The following NDUFS7 variants were observed in gnomAD, a reference collection of about 807,000 sequenced individuals.
NDUFS7 encodes NADH dehydrogenase [ubiquinone] iron-sulfur protein 7, mitochondrial.
In NDUFS7, 11 loss-of-function variants were observed where a neutral mutation model predicts 31.1. The ratio of observed to expected loss-of-function variants is 0.35; its 90% CI spans 0.22 to 0.59. NDUFS7 has a LOEUF of 0.59. Among genes scored for constraint, NDUFS7 ranks in the 20% least tolerant of loss-of-function variants. The probability of loss-of-function intolerance (pLI) is 0.79; values close to 1 mark genes in which losing one functional copy is unlikely to be tolerated. For missense variants in NDUFS7, 263 were observed against 324.2 expected (o/e 0.81, Z 1.45); for synonymous variants, 136 against 127.9 (o/e 1.06, Z -0.43).
At chr19:1,390,767 G>A (rs2082549392) in intron 4 of NDUFS7, 104 bp from the exon 5 acceptor site, 8 of 1,376,532 alleles carry the variant, frequency 5.8e-6, no homozygotes, top group East Asian at 2.5e-5. Context: ...GCCGGCTGCC[G>A]CCCCGGGACA....
intron 3 of NDUFS7, 112 bp from the exon 4 acceptor site, chr19:1,388,721 C>A: frequency 7.0e-7 from 1 of 1,423,708 alleles, no homozygotes; most frequent in Non-Finnish European, 9.7e-7. Context: ...ACATCCCAGT[C>A]CCTGACCTCA....
intron 3 of NDUFS7, 98 bp downstream of exon 3, chr19:1,388,691 TG>T (rs778480411): frequency 4.8e-6 from 7 of 1,455,358 alleles, no homozygotes; most frequent in Non-Finnish European, 5.7e-6. Flanking sequence ...GGTGCATGGA[TG>T]GGGCAGGGAG....
At position 1,395,497 on chromosome 19, in the gene NDUFS7, C is replaced by CCGCCGCCGCCGGAGCCTGT. The variant is rs1370327131; in HGVS notation, c.*15_*33dup. On this transcript the variant is annotated 3_prime_UTR_variant, in exon 8 of 8. Coordinates refer to ENST00000233627, the MANE Select transcript of NDUFS7 (RefSeq NM_024407.5). ...TCTGGTACCGCAGGTAGCGCCGCCG[C>CCGCCGCCGCCGGAGCCTGT]CGCCGCCGCCGGAGCCTGTCGCCGT... 1 of 1,564,756 alleles carries CCGCCGCCGCCGGAGCCTGT rather than the reference C, an allele frequency of 6.4e-7. No individual in the cohort carries two copies. The highest frequency in any genetic ancestry group is 8.6e-7 in the Non-Finnish European group (1 of 1,156,084).
At chr19:1,392,854 T>G (rs1321202242) in intron 6 of NDUFS7, 1 of 318,368 alleles carries the variant, frequency 3.1e-6, no homozygotes, top group Non-Finnish European at 6.1e-6. Context: ...CCCCAGCGCC[T>G]CACTGACAGA....
chr19:1,385,280 C>G (rs531881053), intron 1 of NDUFS7, among the ~76,000 whole-genome samples: 2 of 152,158 alleles, frequency 1.3e-5, no homozygotes, highest in African/African-American at 4.8e-5. Context: ...TTTGGAAGGC[C>G]AAGGTGGGCG....
chr19:1,389,309 ATG>A lies in NDUFS7; in HGVS notation c.228+372_228+373del. 4 of 478,474 alleles carry A rather than the reference ATG, an allele frequency of 8.4e-6. No homozygotes were observed. In the East Asian group the frequency reaches 1.9e-4, roughly 23 times the overall value. The allele number at this position is 478,474 out of a possible 1,614,324, so 29.6% of individuals were successfully genotyped here. On this transcript the variant is annotated intron_variant, in intron 4 of 7. Coordinates refer to ENST00000233627, the MANE Select transcript of NDUFS7 (RefSeq NM_024407.5). The stretch of plus-strand genomic sequence containing the variant: ...CACACGTGCACATATATGCACAGTC[ATG>A]CACACACATGCACACTCACACACAT...
At chr19:1,392,064 G>C (rs556517546) in intron 6 of NDUFS7, 2 of 151,412 alleles carry the variant, frequency 1.3e-5, no homozygotes, top group East Asian at 3.9e-4. Context: ...GGCTAGGATG[G>C]TCTCGATCTC....
At chr19:1,384,236 C>T in intron 1 of NDUFS7, 1 of 475,084 alleles carries the variant, frequency 2.1e-6, no homozygotes, top group Non-Finnish European at 3.7e-6. Context: ...GTCCCCGAGA[C>T]CAGGGCACGG....
intron 7 of NDUFS7, chr19:1,394,387 G>A (rs756812247): frequency 4.0e-5 from 52 of 1,289,122 alleles, no homozygotes; most frequent in Middle Eastern, 4.2e-4. Flanking sequence ...GGCAAGTTGC[G>A]AGTGTGGACT....
intron 2 of NDUFS7, 197 bp downstream of exon 2, chr19:1,388,044 A>C (rs2082521628): frequency 1.5e-6 from 1 of 659,984 alleles, no homozygotes; most frequent in African/African-American, 1.8e-5. Flanking sequence ...GCAGTGGCAA[A>C]GGCTGGACAG....
intron 4 of NDUFS7, chr19:1,390,245 G>A (rs116370630): frequency 0.013 from 2,159 of 161,778 alleles, 58 homozygotes; most frequent in African/African-American, 0.049. Flanking sequence ...CATGGCCAGC[G>A]GCCGTCCCAA....
In NDUFS7 at chr19:1,393,285, G is replaced by C. The variant is rs768685948; in HGVS notation, c.499G>C (p.Val167Leu). The C allele has an allele frequency of 4.4e-6, 7 of 1,589,410 alleles. No individual in the cohort carries two copies. Among genetic ancestry groups the C allele is most frequent in the Non-Finnish European group, 5.1e-6 (6 of 1,168,946 alleles). ...GGYYHYSYSV[V>L]RGCDRIVPVD... ...CTACTACCACTATTCCTACTCGGTG[G>C]TGAGGGGCTGCGACCGCATCGTGCC... The change falls in exon 7 of 8, where the codon GTG (valine) becomes CTG (leucine). Residue 167 changes from valine to leucine, a missense_variant. Coordinates refer to ENST00000233627, the MANE Select transcript of NDUFS7 (RefSeq NM_024407.5). This position sits in a 1 kb window ranked among gnomAD's most constrained non-coding sequence, Gnocchi z 7.3.
At position 1,395,569 on chromosome 19, in the gene NDUFS7, C is replaced by A; in HGVS notation, c.*81C>A. Reference sequence around the variant, plus strand: ...TCCCGTGAGGTTGTCAATAAACCTGCCCTCGGGCTGCCGCCTCCCAGTGTG... The same window carrying A: ...TCCCGTGAGGTTGTCAATAAACCTGACCTCGGGCTGCCGCCTCCCAGTGTG... On this transcript the variant is annotated 3_prime_UTR_variant, in exon 8 of 8. Transcript: ENST00000233627. The A allele has an allele frequency of 1.4e-6, 2 of 1,479,282 alleles. No homozygotes were observed. The highest frequency in any genetic ancestry group is 1.8e-6 in the Non-Finnish European group (2 of 1,086,290). The allele number at this position is 1,479,282 out of a possible 1,614,324, so 91.6% of individuals were successfully genotyped here.
At chr19:1,383,999 C>T in intron 1 of NDUFS7, 57 bp downstream of exon 1, 1 of 1,528,604 alleles carries the variant, frequency 6.5e-7, no homozygotes, top group Non-Finnish European at 8.8e-7. Context: ...CCGTGGGAGC[C>T]TCGGGTGTCG....
intron 2 of NDUFS7, 105 bp from the exon 3 acceptor site, chr19:1,388,420 A>G (rs2082524144): frequency 9.4e-7 from 1 of 1,067,520 alleles, no homozygotes; most frequent in African/African-American, 1.5e-5. Context: ...CAGAGGTGAG[A>G]ACAGTCTCGC....
intron 6 of NDUFS7, among the ~76,000 whole-genome samples, chr19:1,391,486 CTTTT>C (rs11287297): frequency 6.5e-5 from 8 of 122,694 alleles, no homozygotes; most frequent in Admixed American, 8.2e-5. Context: ...AGTTTTTTTT[CTTTT>C]TTTTTTTTTT....
At chr19:1,387,929 G>GGGGGGGGGGGGGGT in intron 2 of NDUFS7, 82 bp downstream of exon 2, 1 of 434,468 alleles carries the variant, frequency 2.3e-6, no homozygotes, top group Non-Finnish European at 4.5e-6. Context: ...GTGGGGGGTG[G>GGGGGGGGGGGGGGT]GGGGAGCGCC....
chr19:1,394,748 C>CTGGGAA, intron 7 of NDUFS7: 1 of 1,186,236 alleles, frequency 8.4e-7, no homozygotes, highest in Non-Finnish European at 1.1e-6. Context: ...AGAGCTCTGC[C>CTGGGAA]AGGTGGGGCC....
At chr19:1,389,271 A>G (rs1568990157) in intron 4 of NDUFS7, 7 of 614,002 alleles carry the variant, frequency 1.1e-5, no homozygotes, top group Non-Finnish European at 2.1e-5. Context: ...ACACATGCAC[A>G]CGCACACTCG....
Sources: gnomAD v4.1 joint callset for allele counts (sites outside exome capture counted in the v4.1 genomes callset) on GRCh38, gnomAD v4.1.1 for gene constraint, Gnocchi (gnomAD v3.1) non-coding constraint, MANE v1.5 for transcripts, NCBI Gene and HGNC (gene_info 2026-07-23, HGNC 2026-07-21) for gene names.